The following SYNPO variants were observed in gnomAD, a reference collection of about 807,000 sequenced individuals.
SYNPO encodes synaptopodin.
A neutral mutation model predicts 49.5 loss-of-function variants in SYNPO; 19 were observed. That is an observed-to-expected ratio of 0.38 (90% CI 0.27 to 0.56). The LOEUF (loss-of-function observed/expected upper bound fraction) is 0.56, where lower values mean the gene tolerates loss of function less well. Ranked by LOEUF, SYNPO falls within the 20% of genes least tolerant of loss-of-function variation. SYNPO has a pLI of 0.68. For missense variants in SYNPO, 1,131 were observed against 1,248.3 expected (o/e 0.91, Z 1.42); for synonymous variants, 536 against 548.0 (o/e 0.98, Z 0.31).
rs114749830 is a variant in SYNPO at position 150,629,592 on chromosome 5, G to A, written c.400+10825G>A. Among the ~76,000 whole-genome samples, 355 of 152,260 alleles carry A rather than the reference G, an allele frequency of 2.3e-3. 1 individual carries two copies. The highest frequency in any genetic ancestry group is 8.0e-3 in the African/African-American group (331 of 41,540). On this transcript the variant is annotated intron_variant, in intron 2 of 2. Transcript: ENST00000394243. ...TCAAGGGTCAAGGAAGGGGCAGGCT[G>A]GATGAGCCCCTGGGACAGGAGAGTG... is the stretch of plus-strand genomic sequence containing the variant.
rs994023931 is a variant in SYNPO at position 150,651,581 on chromosome 5, G to A, written c.2028+1278G>A. The A allele has an allele frequency of 2.2e-5, 22 of 1,003,150 alleles. No homozygotes were observed. In the South Asian group the frequency reaches 2.3e-4, roughly 11 times the overall value. The allele number at this position is 1,003,150 out of a possible 1,614,324, so 62.1% of individuals were successfully genotyped here. On this transcript the variant is annotated intron_variant, in intron 2 of 2. Transcript: ENST00000307662. The stretch of plus-strand genomic sequence containing the variant: ...GAATGAGCTGCTGCAGGAGGCCAAG[G>A]GATGCCTGGGCTGGGCTGGGCTGGG...
chr5:150,626,134 G>T (rs1003317150), intron 2 of SYNPO, among the ~76,000 whole-genome samples: 2 of 144,888 alleles, frequency 1.4e-5, no homozygotes, highest in Admixed American at 6.7e-5. Context: ...CCTTACTGGC[G>T]CCAGCCTGCC....
the SYNPO span, among the ~76,000 whole-genome samples, chr5:150,593,340 G>C: frequency 6.6e-6 from 1 of 152,344 alleles, no homozygotes; most frequent in East Asian, 1.9e-4. Context: ...TGCAGGCAGA[G>C]CCCCGGAGAC....
chr5:150,598,758 CA>C (rs1466384251), upstream of SYNPO, among the ~76,000 whole-genome samples: 1 of 152,274 alleles, frequency 6.6e-6, no homozygotes, highest in East Asian at 1.9e-4. Context: ...AGAGACAACA[CA>C]ACTCATGGAC....
At chr5:150,620,893 T>C (rs1162305615) in intron 2 of SYNPO, among the ~76,000 whole-genome samples, 21 of 138,380 alleles carry the variant, frequency 1.5e-4, no homozygotes, top group South Asian at 4.8e-4. Context: ...CTTTTTTTCT[T>C]TTTTTCTCTT....
At chr5:150,586,344 C>T in the SYNPO span, among the ~76,000 whole-genome samples, 1 of 152,224 alleles carries the variant, frequency 6.6e-6, no homozygotes, top group African/African-American at 2.4e-5. Flanking sequence ...GTGGGCTCAC[C>T]TGCCACTTCA....
In SYNPO at chr5:150,650,941, A is replaced by G. The variant is rs888920979; in HGVS notation, c.2028+638A>G. 2.8e-5 allele frequency: 35 copies of G among 1,257,304 alleles called. No individual in the cohort carries two copies. The African/African-American group carries it at 5.1e-4, about 18-fold the overall frequency. 77.9% of individuals were successfully genotyped at this position (1,257,304 alleles called of 1,614,324 possible). A position where few individuals can be genotyped will look rare whatever the true frequency, so the allele number is the denominator to read the frequency against. On this transcript the variant is annotated intron_variant, in intron 2 of 2. Coordinates refer to ENST00000307662, the MANE Select transcript of SYNPO (RefSeq NM_007286.6). ...CTCGCCTCCGCCTGCGCTCCCCTCC[A>G]GGGTCCTTCTGCTGGCTGCGGACTC... is the stretch of plus-strand genomic sequence containing the variant.
the SYNPO span, among the ~76,000 whole-genome samples, chr5:150,589,656 G>C: frequency 6.6e-6 from 1 of 152,246 alleles, no homozygotes; most frequent in African/African-American, 2.4e-5. Flanking sequence ...TGCCTAGAAG[G>C]TTTTGAGCAG....
intron 2 of SYNPO, among the ~76,000 whole-genome samples, chr5:150,619,245 G>A (rs1261560110): frequency 6.6e-6 from 1 of 152,110 alleles, no homozygotes; most frequent in Non-Finnish European, 1.5e-5. Flanking sequence ...AGAGACTGAA[G>A]CCTTTGATAG....
chr5:150,596,114 T>C (rs1048861439), upstream of SYNPO, among the ~76,000 whole-genome samples: 2 of 152,190 alleles, frequency 1.3e-5, no homozygotes, highest in African/African-American at 4.8e-5. Context: ...CTCTATAGTT[T>C]GGGGGTTTAA....
At chr5:150,586,343 C>T in the SYNPO span, among the ~76,000 whole-genome samples, 1 of 152,220 alleles carries the variant, frequency 6.6e-6, no homozygotes, top group Non-Finnish European at 1.5e-5. Flanking sequence ...CGTGGGCTCA[C>T]CTGCCACTTC....
At chr5:150,630,919 G>C (rs1030539284) in intron 2 of SYNPO, among the ~76,000 whole-genome samples, 1 of 152,154 alleles carries the variant, frequency 6.6e-6, no homozygotes, top group Non-Finnish European at 1.5e-5. Context: ...TTCTTTCCCA[G>C]ATTTCTTCTC....
intron 1 of SYNPO, among the ~76,000 whole-genome samples, chr5:150,608,045 T>C (rs1756742549): frequency 6.6e-6 from 1 of 152,276 alleles, no homozygotes; most frequent in African/African-American, 2.4e-5. Context: ...CACAGTGCTA[T>C]ACTATATTTC....
At chr5:150,655,020 G>A (rs938468348) in intron 2 of SYNPO, among the ~76,000 whole-genome samples, 4 of 152,326 alleles carry the variant, frequency 2.6e-5, no homozygotes, top group African/African-American at 9.6e-5. Context: ...AGCTACTCGG[G>A]AGGCTGAGGC....
chr5:150,612,070 C>T (rs1756862813), intron 1 of SYNPO, among the ~76,000 whole-genome samples: 2 of 152,218 alleles, frequency 1.3e-5, no homozygotes, highest in Non-Finnish European at 2.9e-5. Context: ...GGATCTCATC[C>T]CCTCTTTGGG....
intron 2 of SYNPO, among the ~76,000 whole-genome samples, chr5:150,634,348 C>G (rs1346513855): frequency 6.6e-6 from 1 of 152,198 alleles, no homozygotes; most frequent in Non-Finnish European, 1.5e-5. Flanking sequence ...ACCCAGATCT[C>G]CAGCTCCTGG....
intron 2 of SYNPO, among the ~76,000 whole-genome samples, chr5:150,655,336 C>A (rs1372415448): frequency 6.6e-6 from 1 of 152,240 alleles, no homozygotes; most frequent in Non-Finnish European, 1.5e-5. Context: ...CTAGGCCCCA[C>A]CTCCCTGCTC....
At chr5:150,602,078 C>T (rs1246631874) in intron 1 of SYNPO, among the ~76,000 whole-genome samples, 1 of 152,180 alleles carries the variant, frequency 6.6e-6, no homozygotes, top group Non-Finnish European at 1.5e-5. Flanking sequence ...TCATCGGGGG[C>T]ACAGAGGACA....
intron 2 of SYNPO, among the ~76,000 whole-genome samples, chr5:150,654,576 G>C (rs746458227): frequency 1.3e-5 from 2 of 152,182 alleles, no homozygotes; most frequent in African/African-American, 4.8e-5. Flanking sequence ...GCTCTGCATC[G>C]CTGACCAGTG....
Sources: allele counts gnomAD v4.1 joint callset (sites outside exome capture counted in the v4.1 genomes callset), GRCh38; gene constraint gnomAD v4.1.1; transcripts MANE v1.5; gene names NCBI Gene and HGNC (gene_info 2026-07-23, HGNC 2026-07-21).